Variants in BACH2 observed in about 807,000 individuals in gnomAD.
BACH2 encodes the protein BACH transcriptional regulator 2, also known as transcription regulator protein BACH2.
A neutral mutation model predicts 61.8 loss-of-function variants in BACH2; 5 were observed. The observed-to-expected ratio is 0.08, with a 90% CI of 0.04 to 0.17. The LOEUF (loss-of-function observed/expected upper bound fraction) is 0.17. BACH2 is among the 10% of genes least tolerant of loss of function. BACH2 has a pLI of 1.00. For missense variants in BACH2, 824 were observed against 1,091.1 expected, an observed-to-expected ratio of 0.76 and a Z score of 3.45; for synonymous variants, 446 against 440.1, an observed-to-expected ratio of 1.01 and a Z score of -0.17.
intron 4 of BACH2, among the ~76,000 whole-genome samples, chr6:90,111,116 G>A (rs1783149719): frequency 6.6e-6 from 1 of 152,060 alleles, no homozygotes; most frequent in Admixed American, 6.6e-5. Flanking sequence ...TCAATACTGC[G>A]AAAAAGACAG....
At chr6:89,948,760 T>G (rs1773898711) in intron 7 of BACH2, among the ~76,000 whole-genome samples, 1 of 152,188 alleles carries the variant, frequency 6.6e-6, no homozygotes, top group Non-Finnish European at 1.5e-5. Context: ...ATCTTCCCAA[T>G]GTCAGGGACA....
At chr6:90,263,768 G>T (rs1420517087) in intron 2 of BACH2, among the ~76,000 whole-genome samples, 1 of 152,140 alleles carries the variant, frequency 6.6e-6, no homozygotes, top group Admixed American at 6.5e-5. Context: ...TGTCAGGAAA[G>T]GACTCCCATG....
Position 89,997,005 on chromosome 6 carries a change from GCACA to G in BACH2, c.243+11593_243+11596del, listed in dbSNP as rs60037899. Among the ~76,000 whole-genome samples the G allele has an allele frequency of 1.2e-3, 178 of 149,270 alleles. 1 individual carries two copies. The highest frequency in any genetic ancestry group is 4.5e-3 in the Admixed American group (68 of 14,948). The stretch of plus-strand genomic sequence containing the variant: ...ATCTGGTTTAAGCACATGCACACGG[GCACA>G]CACACACACACACACACACACATGC... On this transcript the variant is annotated intron_variant, in intron 6 of 8. Coordinates refer to ENST00000257749, the MANE Select transcript of BACH2 (RefSeq NM_021813.4).
rs2127863307 is a variant in BACH2 at position 90,238,194 on chromosome 6, GA to G, written c.-275+14318del. Among the ~76,000 whole-genome samples the G allele has an allele frequency of 4.6e-5, 7 of 152,298 alleles. No homozygotes were observed. In the South Asian group the frequency reaches 1.4e-3, roughly 32 times the overall value. On this transcript the variant is annotated intron_variant, in intron 3 of 8. Transcript: ENST00000257749. ...AATAGTCTCATAACCCCATTAGGGGGAAAAATGTATCTGTTCTCTCTTATCG... is the reference window on the plus strand; with the variant it reads ...AATAGTCTCATAACCCCATTAGGGGGAAAATGTATCTGTTCTCTCTTATCG...
intron 4 of BACH2, among the ~76,000 whole-genome samples, chr6:90,143,573 A>T (rs1167970953): frequency 6.6e-6 from 1 of 152,152 alleles, no homozygotes; most frequent in East Asian, 1.9e-4. Context: ...TTCTGAAAGC[A>T]TCTCTTCAAC....
intron 6 of BACH2, among the ~76,000 whole-genome samples, chr6:89,980,728 GTT>G (rs1775904715): frequency 1.3e-5 from 2 of 152,198 alleles, no homozygotes; most frequent in African/African-American, 4.8e-5. Flanking sequence ...ACTGGAAGGT[GTT>G]GAGTCTTTTC....
At chr6:90,093,199 C>T (rs1315439338) in intron 4 of BACH2, among the ~76,000 whole-genome samples, 1 of 152,086 alleles carries the variant, frequency 6.6e-6, no homozygotes, top group Admixed American at 6.5e-5. Flanking sequence ...AAGTATATAC[C>T]AGCTGTCAGT....
chr6:90,162,025 C>T (rs951308541), intron 4 of BACH2, among the ~76,000 whole-genome samples: 1 of 152,078 alleles, frequency 6.6e-6, no homozygotes, highest in Non-Finnish European at 1.5e-5. Context: ...CTTCTCTGAG[C>T]CCTGAGCCGG....
At chr6:90,296,187 T>C (rs1772372899) in intron 1 of BACH2, among the ~76,000 whole-genome samples, 10 of 152,034 alleles carry the variant, frequency 6.6e-5, no homozygotes, top group Middle Eastern at 3.4e-3. Context: ...CAAAACACCC[T>C]TCGACGCCAG....
At chr6:90,069,966 G>C (rs1781148750) in intron 5 of BACH2, among the ~76,000 whole-genome samples, 1 of 152,148 alleles carries the variant, frequency 6.6e-6, no homozygotes, top group African/African-American at 2.4e-5. Flanking sequence ...GGTGAGAAAG[G>C]ACACTCCTCT....
rs576002367 is a variant in BACH2, at chr6:90,270,580, G to A, written c.-353+1269C>T. Among the ~76,000 whole-genome samples, 45 of 152,206 alleles carry A rather than the reference G, an allele frequency of 3.0e-4. 1 individual carries two copies. The highest frequency in any genetic ancestry group is 3.4e-3 in the Middle Eastern group (1 of 294). On this transcript the variant is annotated intron_variant, in intron 2 of 8. Transcript: ENST00000257749. ...ACACTGCTGAAAGAAATAATCGATG[G>A]CACAAACAAATGGAAACATATTTCA...
chr6:90,026,915 C>T (rs899470316), intron 5 of BACH2, among the ~76,000 whole-genome samples: 1 of 152,072 alleles, frequency 6.6e-6, no homozygotes, highest in African/African-American at 2.4e-5. Flanking sequence ...GTTGGTTCAC[C>T]CGGTAACTAA....
intron 4 of BACH2, among the ~76,000 whole-genome samples, chr6:90,092,344 T>C: frequency 7.0e-6 from 1 of 143,766 alleles, no homozygotes; most frequent in East Asian, 2.3e-4. Context: ...TCACTTGCAC[T>C]TGAACAAAGT....
chr6:90,078,975 C>T (rs1160351448), intron 5 of BACH2, among the ~76,000 whole-genome samples: 1 of 152,168 alleles, frequency 6.6e-6, no homozygotes, highest in Non-Finnish European at 1.5e-5. Flanking sequence ...CAAAGCTCAT[C>T]AGACTGAAAG....
intron 4 of BACH2, among the ~76,000 whole-genome samples, chr6:90,107,096 G>A (rs1011833760): frequency 1.2e-4 from 18 of 152,232 alleles, no homozygotes; most frequent in African/African-American, 3.4e-4. Flanking sequence ...ATTATAGGCC[G>A]GGTGTGGTGG....
intron 4 of BACH2, among the ~76,000 whole-genome samples, chr6:90,202,817 A>T (rs1373890499): frequency 2.0e-5 from 3 of 152,186 alleles, no homozygotes; most frequent in Non-Finnish European, 4.4e-5. Flanking sequence ...GAGAAGAACA[A>T]CACTTTTCTT....
At chr6:90,080,093 C>T (rs1445858921) in intron 5 of BACH2, among the ~76,000 whole-genome samples, 1 of 152,082 alleles carries the variant, frequency 6.6e-6, no homozygotes, top group East Asian at 1.9e-4. Context: ...AGAAATGTAC[C>T]CAAAAACTTT....
chr6:90,244,357 A>G lies in BACH2; in HGVS notation c.-275+8156T>C, dbSNP rs370369103. Among the ~76,000 whole-genome samples the G allele has an allele frequency of 7.9e-5, 12 of 152,376 alleles. No individual in the cohort carries two copies. The East Asian group carries it at 2.3e-3, about 29-fold the overall frequency. ...CATACATGTTTTCAATTAGCCATCA[A>G]AATAACCCCTTGAGGTAATTACTAT... On this transcript the variant is annotated intron_variant, in intron 3 of 8. Coordinates refer to ENST00000257749, the MANE Select transcript of BACH2 (RefSeq NM_021813.4).
At chr6:90,145,723 T>TA (rs1444803723) in intron 4 of BACH2, among the ~76,000 whole-genome samples, 1 of 152,196 alleles carries the variant, frequency 6.6e-6, no homozygotes, top group Non-Finnish European at 1.5e-5. Context: ...GTGAACGCAT[T>TA]AAGTCTCCCT....
Sources: gnomAD v4.1 joint callset for allele counts (sites outside exome capture counted in the v4.1 genomes callset) on GRCh38, gnomAD v4.1.1 for gene constraint, MANE v1.5 for transcripts, NCBI Gene and HGNC (gene_info 2026-07-23, HGNC 2026-07-21) for gene names.